Variants in LUZP1 observed in about 807,000 individuals in gnomAD.
LUZP1 encodes filamin mechanobinding actin cross-linking protein.
A neutral mutation model predicts 71.3 loss-of-function variants in LUZP1; 25 were observed. The ratio of observed to expected loss-of-function variants is 0.35; its 90% CI spans 0.26 to 0.49. The LOEUF is 0.49. Ranked by LOEUF, LUZP1 falls within the 20% of genes least tolerant of loss-of-function variation. The pLI, the probability that LUZP1 is intolerant of heterozygous loss-of-function variation, is 0.99. For synonymous variants in LUZP1, 481 were observed against 506.4 expected (o/e 0.95, Z 0.67); for missense variants, 1,142 against 1,300.8 (o/e 0.88, Z 1.88).
At chr1:23,120,627 G>C (rs1378986430) in intron 2 of LUZP1, among the ~76,000 whole-genome samples, 3 of 152,044 alleles carry the variant, frequency 2.0e-5, no homozygotes, top group Non-Finnish European at 1.5e-5. Context: ...CAAAGTGCTA[G>C]GATTACAGGC....
At chr1:23,129,949 T>G (rs1644201172) in intron 2 of LUZP1, among the ~76,000 whole-genome samples, 1 of 152,156 alleles carries the variant, frequency 6.6e-6, no homozygotes, top group Non-Finnish European at 1.5e-5. Flanking sequence ...AGAATACAGG[T>G]GACTAACACA....
chr1:23,146,899 C>A (rs1429476384), intron 2 of LUZP1, among the ~76,000 whole-genome samples: 1 of 150,072 alleles, frequency 6.7e-6, no homozygotes, highest in East Asian at 2.0e-4. Flanking sequence ...AGCTCAAGAC[C>A]ATCCTGGCTA....
chr1:23,121,046 C>T (rs914015191), intron 2 of LUZP1, among the ~76,000 whole-genome samples: 5 of 152,056 alleles, frequency 3.3e-5, no homozygotes, highest in Admixed American at 6.6e-5. Context: ...AAAAATAAGA[C>T]CAGCCCAGGG....
At position 23,115,085 on chromosome 1, in the gene LUZP1, T is replaced by C. The variant is rs79086307; in HGVS notation, c.-225-5958A>G. On this transcript the variant is annotated intron_variant, in intron 2 of 4. Coordinates refer to ENST00000302291, the Ensembl canonical transcript of LUZP1. ...ATTATTCAAACTTTTTTAATAATTT[T>C]CTATAAGTCTTGCCATTAATACTTA... 4.1e-4 allele frequency among the ~76,000 whole-genome samples: 63 copies of C among 152,334 alleles called. 2 individuals carry two copies. In the East Asian group the frequency reaches 0.01, roughly 25 times the overall value.
intron 2 of LUZP1, among the ~76,000 whole-genome samples, chr1:23,157,968 A>G (rs752770193): frequency 2.0e-5 from 3 of 151,726 alleles, no homozygotes; most frequent in Non-Finnish European, 4.4e-5. Context: ...GCTATTATTG[A>G]GCCACCGCAC....
chr1:23,158,997 T>G (rs1644443872), intron 2 of LUZP1, among the ~76,000 whole-genome samples: 1 of 151,292 alleles, frequency 6.6e-6, no homozygotes, highest in East Asian at 2.0e-4. Context: ...CAGTTTAGCT[T>G]ATCACATTCT....
intron 1 of LUZP1, among the ~76,000 whole-genome samples, chr1:23,175,986 A>C (rs1644579720): frequency 6.6e-6 from 1 of 151,840 alleles, no homozygotes; most frequent in Non-Finnish European, 1.5e-5. Flanking sequence ...GGAATGCCTG[A>C]GTACAAAGCC....
At chr1:23,155,422 G>A (rs1644413804) in intron 2 of LUZP1, among the ~76,000 whole-genome samples, 1 of 152,192 alleles carries the variant, frequency 6.6e-6, no homozygotes, top group Non-Finnish European at 1.5e-5. Flanking sequence ...TCAAATCCTA[G>A]CTTGGCACTG....
intron 2 of LUZP1, among the ~76,000 whole-genome samples, chr1:23,136,375 A>G (rs1158938494): frequency 1.3e-5 from 2 of 151,806 alleles, no homozygotes; most frequent in Non-Finnish European, 2.9e-5. Context: ...AAAAACAAAA[A>G]CAATTTTCCA....
intron 3 of LUZP1, among the ~76,000 whole-genome samples, chr1:23,107,427 T>C (rs1643991897): frequency 6.6e-6 from 1 of 152,238 alleles, no homozygotes; most frequent in Non-Finnish European, 1.5e-5. Flanking sequence ...TTAGTTCCGA[T>C]AACTAAAGCG....
chr1:23,127,438 G>A (rs530489549), intron 2 of LUZP1, among the ~76,000 whole-genome samples: 16 of 152,316 alleles, frequency 1.1e-4, no homozygotes, highest in African/African-American at 3.6e-4. Context: ...CTGAATCCAT[G>A]AGAGTTAAAA....
Position 23,166,653 on chromosome 1 carries a change from CAAA to C in LUZP1, c.-226+2110_-226+2112del, listed in dbSNP as rs538327046. Among the ~76,000 whole-genome samples the C allele has an allele frequency of 6.3e-4, 45 of 70,896 alleles. 1 individual carries two copies. The highest frequency in any genetic ancestry group is 2.0e-3 in the African/African-American group (40 of 20,194). The allele number at this position is 70,896 out of a possible 152,430, so 46.5% of individuals were successfully genotyped here. On this transcript the variant is annotated intron_variant, in intron 2 of 4. Transcript: ENST00000302291. The stretch of plus-strand genomic sequence containing the variant: ...CTGGGTGACACAGAGCACTCCGTCT[CAAA>C]AAAAAAAAAAAAAAAAAAAAAGGGA...
intron 2 of LUZP1, among the ~76,000 whole-genome samples, chr1:23,146,371 C>T (rs754184237): frequency 1.3e-5 from 2 of 152,136 alleles, no homozygotes; most frequent in Non-Finnish European, 2.9e-5. Context: ...TAAATTTATG[C>T]GGAACATAGG....
intron 1 of LUZP1, among the ~76,000 whole-genome samples, chr1:23,174,579 T>G (rs1265592563): frequency 4.6e-5 from 7 of 152,336 alleles, no homozygotes; most frequent in Admixed American, 2.6e-4. Context: ...CAGCACCTTG[T>G]GTCTACCATG....
intron 3 of LUZP1, among the ~76,000 whole-genome samples, chr1:23,096,134 A>G (rs1354776086): frequency 6.6e-6 from 1 of 152,010 alleles, no homozygotes; most frequent in East Asian, 1.9e-4. Flanking sequence ...AGGAATGAAA[A>G]AAAAAAAAAA....
exon 4 of LUZP1, chr1:23,092,696 G>T: frequency 6.2e-7 from 1 of 1,614,054 alleles, no homozygotes; most frequent in South Asian, 1.1e-5. Context: ...TACCCAATGG[G>T]TCACTGGGAA....
At chr1:23,107,019 C>A (rs1557644138) in intron 3 of LUZP1, among the ~76,000 whole-genome samples, 1 of 152,232 alleles carries the variant, frequency 6.6e-6, no homozygotes, top group Non-Finnish European at 1.5e-5. Context: ...CCCTACTACT[C>A]CAATCCAGCC....
At chr1:23,141,734 CA>C (rs1415304582) in intron 2 of LUZP1, among the ~76,000 whole-genome samples, 1 of 152,124 alleles carries the variant, frequency 6.6e-6, no homozygotes, top group Admixed American at 6.6e-5. Context: ...GGCTAGAGAG[CA>C]GGGGCAAGAT....
At chr1:23,096,237 A>G (rs1643891298) in intron 3 of LUZP1, among the ~76,000 whole-genome samples, 1 of 152,308 alleles carries the variant, frequency 6.6e-6, no homozygotes, top group South Asian at 2.1e-4. Context: ...GAAATGGCAT[A>G]TTAGAGGCAA....
Sources: gnomAD v4.1 joint callset for allele counts (sites outside exome capture counted in the v4.1 genomes callset) on GRCh38, gnomAD v4.1.1 for gene constraint, MANE v1.5 for transcripts, NCBI Gene and HGNC (gene_info 2026-07-23, HGNC 2026-07-21) for gene names.